IGSF5: variants seen among roughly 807,000 people sequenced by gnomAD.
IGSF5 encodes the protein immunoglobulin superfamily 5 like.
A neutral mutation model predicts 39.4 loss-of-function variants in IGSF5; 41 were observed. That is an observed-to-expected ratio of 1.04 (90% CI 0.81 to 1.35). IGSF5 has a LOEUF of 1.35. Among genes scored for constraint, IGSF5 ranks in the 40% most tolerant of loss-of-function variants. IGSF5 has a pLI of 0.00. For missense variants in IGSF5, 487 were observed against 494.6 expected (o/e 0.98, Z 0.15); for synonymous variants, 183 against 175.3 (o/e 1.04, Z -0.34).
the IGSF5 span, among the ~76,000 whole-genome samples, chr21:39,728,413 A>C: frequency 6.6e-6 from 1 of 152,226 alleles, no homozygotes; most frequent in East Asian, 1.9e-4. Flanking sequence ...CAAGGTTGAC[A>C]ACAAATACCT....
intron 5 of IGSF5, among the ~76,000 whole-genome samples, chr21:39,787,532 A>G (rs948467352): frequency 2.8e-5 from 4 of 143,678 alleles, no homozygotes; most frequent in Admixed American, 7.2e-5. Flanking sequence ...GACTAAAAAC[A>G]TTAGCAATTT....
chr21:39,758,369 C>A (rs930691523), intron 2 of IGSF5, among the ~76,000 whole-genome samples: 1 of 152,218 alleles, frequency 6.6e-6, no homozygotes, highest in African/African-American at 2.4e-5. Flanking sequence ...AGGGCCATCA[C>A]TGTCCTGGGA....
chr21:39,754,857 AC>A (rs1397542893), intron 2 of IGSF5, among the ~76,000 whole-genome samples: 2 of 152,116 alleles, frequency 1.3e-5, no homozygotes, highest in Non-Finnish European at 2.9e-5. Context: ...CAGTGTTCCA[AC>A]TGCATACACC....
the IGSF5 span, among the ~76,000 whole-genome samples, chr21:39,731,934 G>A: frequency 9.2e-4 from 140 of 152,232 alleles, 1 homozygote; most frequent in Non-Finnish European, 1.7e-3. Context: ...TTCTAGGTTC[G>A]GGCTGCAAAA....
At chr21:39,787,300 G>C (rs1003842659) in intron 5 of IGSF5, among the ~76,000 whole-genome samples, 6 of 152,076 alleles carry the variant, frequency 3.9e-5, no homozygotes, top group Non-Finnish European at 2.9e-5. Flanking sequence ...TAAATTGGCA[G>C]GTGTTATTAG....
At chr21:39,752,419 T>C (rs1246683825) in intron 2 of IGSF5, among the ~76,000 whole-genome samples, 2 of 152,226 alleles carry the variant, frequency 1.3e-5, no homozygotes. Context: ...CATTGGCTGC[T>C]GGGCATTTAG....
At chr21:39,740,694 G>A (rs778356214), upstream of IGSF5, among the ~76,000 whole-genome samples, 4 of 152,150 alleles carry the variant, frequency 2.6e-5, no homozygotes, top group Non-Finnish European at 4.4e-5. Flanking sequence ...TGGTCCCCTC[G>A]AGTGGCATAG....
chr21:39,793,716 T>C (rs1238714280), intron 8 of IGSF5, 103 bp downstream of exon 8: 19 of 906,456 alleles, frequency 2.1e-5, no homozygotes, highest in Admixed American at 5.9e-5. Context: ...GTATTCATGA[T>C]GGTGGCATGT....
rs2146267719 is a variant in IGSF5, at chr21:39,745,514, G to A, written c.5G>A (p.Gly2Asp). The A allele has an allele frequency of 2.8e-6, 2 of 716,976 alleles. No homozygotes were observed. The highest frequency in any genetic ancestry group is 4.0e-5 in the Admixed American group (2 of 50,012). The allele number at this position is 716,976 out of a possible 1,614,324, so 44.4% of individuals were successfully genotyped here. The change falls in exon 1 of 9, where the codon GGT (glycine) becomes GAT (aspartate). Residue 2 changes from glycine to aspartate, a missense_variant. Gly to Asp is a moderately conservative substitution (Grantham distance 94). Coordinates refer to ENST00000380588, the MANE Select transcript of IGSF5 (RefSeq NM_001080444.2). The stretch of plus-strand genomic sequence containing the variant: ...CGTGTTCGGGACCCAGGAGGTATGG[G>A]TCAGAAGGAAAGGTAAGGGCGCATG... M[G>D]QKERSTADTL...
Position 39,771,079 on chromosome 21 carries a change from C to G in IGSF5, c.582C>G (p.Ser194Arg). Reference protein sequence around the residue: ...HSSYYFVPEPSDLQSAVSILA... With the variant: ...HSSYYFVPEPRDLQSAVSILA... The stretch of plus-strand genomic sequence containing the variant: ...GCTATTATTTTGTTCCGGAGCCCAG[C>G]GACCTTCAAAGTGCAGTGAGCATCC... The change falls in exon 4 of 9, where the codon AGC (serine) becomes AGG (arginine). Residue 194 changes from serine (S) to arginine (R), a missense_variant. By Grantham distance (110) the Ser-to-Arg change is moderately radical. Coordinates refer to ENST00000380588, the MANE Select transcript of IGSF5 (RefSeq NM_001080444.2). 1.9e-6 allele frequency: 3 copies of G among 1,613,638 alleles called. No individual in the cohort carries two copies. Among genetic ancestry groups the G allele is most frequent in the Non-Finnish European group, 2.5e-6 (3 of 1,179,852 alleles).
At chr21:39,723,051 G>A in the IGSF5 span, among the ~76,000 whole-genome samples, 1,722 of 152,276 alleles carry the variant, frequency 0.011, 29 homozygotes, top group African/African-American at 0.039. Context: ...ACAAATTGCC[G>A]CAAAAGCAGC....
intron 8 of IGSF5, among the ~76,000 whole-genome samples, chr21:39,801,002 C>T (rs991349762): frequency 2.6e-5 from 4 of 152,188 alleles, no homozygotes; most frequent in Admixed American, 2.6e-4. Context: ...CAAAACAAAA[C>T]AATGAGTCGT....
At chr21:39,738,000 T>C in the IGSF5 span, among the ~76,000 whole-genome samples, 1 of 151,834 alleles carries the variant, frequency 6.6e-6, no homozygotes, top group East Asian at 1.9e-4. Context: ...GTGATGGGAG[T>C]TATGAGCCAG....
At chr21:39,726,384 A>G in the IGSF5 span, among the ~76,000 whole-genome samples, 1 of 152,210 alleles carries the variant, frequency 6.6e-6, no homozygotes, top group Admixed American at 6.5e-5. Flanking sequence ...GGATAGTGGC[A>G]TGTGGATGGG....
In IGSF5 at chr21:39,765,819, C is replaced by G; in HGVS notation, c.385C>G (p.Arg129Gly). 6.2e-7 allele frequency: 1 copy of G among 1,613,736 alleles called. No individual in the cohort carries two copies. Among genetic ancestry groups the G allele is most frequent in the South Asian group, 1.1e-5 (1 of 90,986 alleles). ...GNIRCSLQNSRLHGSAYLTVQ... is the reference protein window; with the variant it reads ...GNIRCSLQNSGLHGSAYLTVQ... ...CATCAGATGCAGCCTCCAGAACAGT[C>G]GCCTGCATGGATCTGCTTACCTTAC... Residue 129 changes from arginine (R) to glycine (G), a missense_variant, in exon 3 of 9, where the codon CGC becomes GGC. Physicochemically the swap from Arg to Gly is moderately radical, Grantham distance 125. Transcript: ENST00000380588.
At chr21:39,788,527 A>C (rs1004416662) in intron 6 of IGSF5, among the ~76,000 whole-genome samples, 1 of 152,238 alleles carries the variant, frequency 6.6e-6, no homozygotes, top group African/African-American at 2.4e-5. Context: ...CTGTGGGCGG[A>C]GGCCAGGGCC....
At chr21:39,770,852 A>G in intron 3 of IGSF5, 64 bp from the exon 4 acceptor site, 2 of 1,195,788 alleles carry the variant, frequency 1.7e-6, no homozygotes, top group Admixed American at 3.1e-5. Flanking sequence ...GAAAAAAAAA[A>G]AGAAAACTTA....
At chr21:39,773,544 C>T (rs2080125294) in intron 4 of IGSF5, among the ~76,000 whole-genome samples, 1 of 149,676 alleles carries the variant, frequency 6.7e-6, no homozygotes, top group Non-Finnish European at 1.5e-5. Flanking sequence ...CTATTCCTGT[C>T]ATTTTTCGTT....
intron 2 of IGSF5, among the ~76,000 whole-genome samples, chr21:39,763,171 G>A (rs1460893412): frequency 6.6e-6 from 1 of 152,172 alleles, no homozygotes; most frequent in East Asian, 1.9e-4. Flanking sequence ...CAGCTGCGGC[G>A]TGGTTTACTT....
Sources: gnomAD v4.1 joint callset for allele counts (sites outside exome capture counted in the v4.1 genomes callset) on GRCh38, gnomAD v4.1.1 for gene constraint, MANE v1.5 for transcripts, NCBI Gene and HGNC (gene_info 2026-07-23, HGNC 2026-07-21) for gene names.